The following SLC35A3 variants were observed in gnomAD, a reference collection of about 807,000 sequenced individuals.
The protein encoded by SLC35A3 is solute carrier family 35 member A3, also known as UDP-N-acetylglucosamine transporter.
Under a neutral mutation model 39.0 loss-of-function variants are expected in SLC35A3, and 26 were observed. That is an observed-to-expected ratio of 0.67 (90% CI 0.49 to 0.92). The LOEUF is 0.92. Ranked by LOEUF, SLC35A3 falls within the 40% of genes least tolerant of loss-of-function variation. The pLI is 0.00. For missense variants in SLC35A3, 299 were observed against 371.6 expected (o/e 0.80, Z 1.61); for synonymous variants, 135 against 133.1 (o/e 1.01, Z -0.10).
intron 2 of SLC35A3, among the ~76,000 whole-genome samples, chr1:99,998,782 G>C (rs993305965): frequency 6.6e-6 from 1 of 152,190 alleles, no homozygotes; most frequent in Non-Finnish European, 1.5e-5. Context: ...ACTAGTGTTA[G>C]TTGGGTTTTC....
At chr1:100,019,483 G>T (rs1287896846) in intron 7 of SLC35A3, among the ~76,000 whole-genome samples, 1 of 152,112 alleles carries the variant, frequency 6.6e-6, no homozygotes, top group East Asian at 1.9e-4. Flanking sequence ...CCTAAAATAG[G>T]TAACTAAGCC....
intron 2 of SLC35A3, among the ~76,000 whole-genome samples, 169 bp from the exon 3 acceptor site, chr1:99,999,092 T>C (rs774328684): frequency 1.3e-5 from 2 of 152,112 alleles, no homozygotes; most frequent in African/African-American, 2.4e-5. Context: ...CATTATAATA[T>C]TTAACATTTT....
intron 5 of SLC35A3, among the ~76,000 whole-genome samples, chr1:100,013,686 A>G (rs978850409): frequency 2.6e-4 from 40 of 151,680 alleles, no homozygotes; most frequent in African/African-American, 8.7e-4. Flanking sequence ...ATGTGTGTAT[A>G]TATATACACA....
At position 99,993,464 on chromosome 1, in the gene SLC35A3, T is replaced by C. The variant is rs996298489; in HGVS notation, c.-18-73T>C. The C allele has an allele frequency of 1.1e-5, 14 of 1,261,938 alleles. No homozygotes were observed. In the African/African-American group the frequency reaches 1.8e-4, roughly 16 times the overall value. The allele number at this position is 1,261,938 out of a possible 1,614,324, so 78.2% of individuals were successfully genotyped here. ...CTGCAGGCCCTCTCCCTTCTCCCTC[T>C]CGGTGTTTTTAAATATACTAGTTTT... On this transcript the variant is annotated intron_variant, in intron 1 of 7. Coordinates refer to ENST00000533028, the MANE Select transcript of SLC35A3 (RefSeq NM_012243.3).
Position 100,007,096 on chromosome 1 carries a change from A to C in SLC35A3, c.405A>C (p.Lys135Asn), listed in dbSNP as rs754559092. Residue 135 changes from lysine (K) to asparagine (N), a missense_variant, in exon 4 of 8, where the codon AAA (lysine) becomes AAC (asparagine). Transcript: ENST00000533028. The stretch of plus-strand genomic sequence containing the variant: ...TTTCTGTGTCTATGCTTAGTAAAAA[A>C]TTGGGTGTATACCAGTGGCTGTCCC... ...ALFSVSMLSK[K>N]LGVYQWLSLV... 7 of 1,613,042 alleles carry C rather than the reference A, an allele frequency of 4.3e-6. No homozygotes were observed. In the Admixed American group the frequency reaches 8.3e-5, roughly 19 times the overall value.
At chr1:99,973,807 G>A (rs943842106) in intron 1 of SLC35A3, among the ~76,000 whole-genome samples, 3 of 152,148 alleles carry the variant, frequency 2.0e-5, no homozygotes, top group Non-Finnish European at 4.4e-5. Flanking sequence ...ACGAGGTCAG[G>A]AGTTTAAGAC....
intron 1 of SLC35A3, chr1:99,970,764 G>C (rs1419353933): frequency 1.5e-6 from 1 of 652,170 alleles, no homozygotes. Flanking sequence ...CTTAAATGCA[G>C]TATTTGAAAA....
In SLC35A3 at chr1:100,007,045, G is replaced by T. The variant is rs1215052341; in HGVS notation, c.354G>T (p.Gln118His). ...LDAATYQVTYQLKILTTALFS... is the reference protein window; with the variant it reads ...LDAATYQVTYHLKILTTALFS... ...GTTTTCTTTTTCAGGTCACGTATCA[G>T]TTAAAAATTCTTACAACAGCATTAT... The change falls in exon 4 of 8, where the codon CAG becomes CAT. Residue 118 changes from glutamine to histidine, a missense_variant. By Grantham distance (24) the Gln-to-His change is conservative. Transcript: ENST00000533028. 2.5e-6 allele frequency: 4 copies of T among 1,607,034 alleles called. No homozygotes were observed. Among genetic ancestry groups the T allele is most frequent in the Non-Finnish European group, 3.4e-6 (4 of 1,177,802 alleles).
At chr1:100,009,278 T>G (rs1463415251) in intron 4 of SLC35A3, 2 of 152,182 alleles carry the variant, frequency 1.3e-5, no homozygotes, top group Non-Finnish European at 2.9e-5. Flanking sequence ...TTTCACTATT[T>G]GTGTTTCAGT....
Position 100,029,181 on chromosome 1 carries a change from C to T in SLC35A3, c.*6705C>T, listed in dbSNP as rs1005736122. 1 of 152,168 alleles carries T rather than the reference C, an allele frequency of 6.6e-6. No homozygotes were observed. Among genetic ancestry groups the T allele is most frequent in the East Asian group, 1.9e-4 (1 of 5,190 alleles). 9.4% of individuals were successfully genotyped at this position (152,168 alleles called of 1,614,324 possible). On this transcript the variant is annotated 3_prime_UTR_variant, in exon 8 of 8. Transcript: ENST00000533028. ...TGCCCCTCCCTGGAGATCTGGTTGA[C>T]ATCAAGACTTCAGGGCCTCACCATA...
intron 1 of SLC35A3, among the ~76,000 whole-genome samples, chr1:99,979,426 C>CT (rs1348730391): frequency 1.5e-4 from 22 of 144,682 alleles, no homozygotes; most frequent in African/African-American, 5.7e-4. Context: ...TTCTCCTTTT[C>CT]TTTCTTTTTT....
Position 100,011,485 on chromosome 1 carries a change from ATC to A in SLC35A3, c.588_589del (p.Leu197LysfsTer30), listed in dbSNP as rs750206820. 4.5e-6 allele frequency: 7 copies of A among 1,565,494 alleles called. No homozygotes were observed. The highest frequency in any genetic ancestry group is 8.7e-7 in the Non-Finnish European group (1 of 1,146,560). On this transcript the variant is annotated frameshift_variant, in exon 5 of 8. Coordinates refer to ENST00000533028, the MANE Select transcript of SLC35A3 (RefSeq NM_012243.3). LOFTEE classifies it high-confidence loss of function. The stretch of plus-strand genomic sequence containing the variant: ...CTTTGCTGGGGTTTACTTTGAGAAA[ATC>A]TTAAAAGAAACAAAACAATCAGTGT... ...SGFAGVYFEK[I>X]LKETKQSVWI... is the part of the protein sequence containing the mutation.
At chr1:99,996,109 G>A (rs1658384374) in intron 2 of SLC35A3, among the ~76,000 whole-genome samples, 3 of 151,924 alleles carry the variant, frequency 2.0e-5, no homozygotes, top group Non-Finnish European at 4.4e-5. Context: ...GATTCCAGGT[G>A]GATTAAAGAT....
In SLC35A3 at chr1:100,027,520, C is replaced by A. The variant is rs1660988295; in HGVS notation, c.*5044C>A. ...TTTATTTAAGCTAGTTAGAATTTATCTTTCTATATGTTAATAACAGCCTAA... is the reference window on the plus strand; with the variant it reads ...TTTATTTAAGCTAGTTAGAATTTATATTTCTATATGTTAATAACAGCCTAA... On this transcript the variant is annotated 3_prime_UTR_variant, in exon 8 of 8. Transcript: ENST00000533028. The A allele has an allele frequency of 8.8e-6, 2 of 227,668 alleles. No individual in the cohort carries two copies. The highest frequency in any genetic ancestry group is 4.5e-5 in the African/African-American group (2 of 44,626). The allele number at this position is 227,668 out of a possible 1,614,324, so 14.1% of individuals were successfully genotyped here.
chr1:100,026,082 G>A lies in SLC35A3; in HGVS notation c.*3606G>A, dbSNP rs754570336. 1 of 152,094 alleles carries A rather than the reference G, an allele frequency of 6.6e-6. No homozygotes were observed. The allele number at this position is 152,094 out of a possible 1,614,324, so 9.4% of individuals were successfully genotyped here. A position where few individuals can be genotyped will look rare whatever the true frequency, so the allele number is the denominator to read the frequency against. ...AATTTCATGGAAGGAAAGGTAGCTT[G>A]ATATTTAGATTCTAAGATATAATCT... is the stretch of plus-strand genomic sequence containing the variant. On this transcript the variant is annotated 3_prime_UTR_variant, in exon 8 of 8. Coordinates refer to ENST00000533028, the MANE Select transcript of SLC35A3 (RefSeq NM_012243.3).
chr1:99,987,336 T>C (rs1389732875), intron 1 of SLC35A3, among the ~76,000 whole-genome samples: 1 of 152,234 alleles, frequency 6.6e-6, no homozygotes, highest in Non-Finnish European at 1.5e-5. Context: ...TATGTATTCT[T>C]TCCTCTAAGC....
chr1:100,011,505 A>G lies in SLC35A3; in HGVS notation c.606A>G (p.Gln202=), dbSNP rs370227291. Residue 202 remains glutamine, a synonymous_variant, in exon 5 of 8, where the codon CAA becomes CAG. Transcript: ENST00000533028. The part of the protein sequence containing the change: ...YFEKILKETK[Q]SVWIRNIQLG... ...AGAAAATCTTAAAAGAAACAAAACAATCAGTGTGGATAAGAAATATTCAGC... is the reference window on the plus strand; with the variant it reads ...AGAAAATCTTAAAAGAAACAAAACAGTCAGTGTGGATAAGAAATATTCAGC... The G allele has an allele frequency of 3.6e-5, 55 of 1,539,288 alleles. No homozygotes were observed. The highest frequency in any genetic ancestry group is 4.8e-5 in the Non-Finnish European group (54 of 1,126,230).
Position 100,031,019 on chromosome 1 carries a change from C to T in SLC35A3, c.*8543C>T, listed in dbSNP as rs1247869113. The stretch of plus-strand genomic sequence containing the variant: ...CCACACTTATTTTGGATGTTATATA[C>T]ACATAATGCCTCAAATTTCCATTAT... On this transcript the variant is annotated 3_prime_UTR_variant, in exon 8 of 8. Coordinates refer to ENST00000533028, the MANE Select transcript of SLC35A3 (RefSeq NM_012243.3). 6.6e-6 allele frequency: 1 copy of T among 152,124 alleles called. No individual in the cohort carries two copies. The highest frequency in any genetic ancestry group is 1.9e-4 in the East Asian group (1 of 5,186). The allele number at this position is 152,124 out of a possible 1,614,324, so 9.4% of individuals were successfully genotyped here.
chr1:99,987,420 G>A (rs749792294), intron 1 of SLC35A3, among the ~76,000 whole-genome samples: 2 of 151,958 alleles, frequency 1.3e-5, no homozygotes, highest in Non-Finnish European at 2.9e-5. Context: ...GCTTAAGATC[G>A]TTTTTTCCAA....
Sources: allele counts gnomAD v4.1 joint callset (sites outside exome capture counted in the v4.1 genomes callset), GRCh38; gene constraint gnomAD v4.1.1; transcripts MANE v1.5; gene names NCBI Gene and HGNC (gene_info 2026-07-23, HGNC 2026-07-21).